RBMS1: variants seen among roughly 807,000 people sequenced by gnomAD.
RBMS1 encodes RNA-binding motif, single-stranded-interacting protein 1.
RBMS1 carries 17 observed loss-of-function variants against 62.3 expected under a neutral mutation model. The ratio of observed to expected loss-of-function variants is 0.27; its 90% confidence interval spans 0.19 to 0.41. RBMS1 has a LOEUF of 0.41. Ranked by LOEUF, RBMS1 falls within the 10% of genes least tolerant of loss-of-function variation. RBMS1 has a pLI of 1.00. For missense variants in RBMS1, 334 were observed against 504.5 expected, an observed-to-expected ratio of 0.66 and a Z score of 3.24; for synonymous variants, 172 against 170.0, an observed-to-expected ratio of 1.01 and a Z score of -0.09.
At chr2:160,339,739 C>T (rs947521903) in intron 2 of RBMS1, among the ~76,000 whole-genome samples, 47 of 152,106 alleles carry the variant, frequency 3.1e-4, no homozygotes, top group African/African-American at 1.0e-3. Flanking sequence ...CATACATACA[C>T]GTATATATAA....
intron 1 of RBMS1, among the ~76,000 whole-genome samples, chr2:160,414,165 A>G (rs1243384567): frequency 6.6e-6 from 1 of 152,232 alleles, no homozygotes; most frequent in Non-Finnish European, 1.5e-5. Context: ...CATTCCACTG[A>G]ATATAAATGC....
chr2:160,452,886 C>G (rs1484079631), intron 1 of RBMS1, among the ~76,000 whole-genome samples: 1 of 152,210 alleles, frequency 6.6e-6, no homozygotes, highest in African/African-American at 2.4e-5. Context: ...ATTACAGGGA[C>G]TCCAGACTTG....
chr2:160,347,622 C>T (rs1309031503), intron 2 of RBMS1, among the ~76,000 whole-genome samples: 1 of 152,096 alleles, frequency 6.6e-6, no homozygotes, highest in African/African-American at 2.4e-5. Context: ...TATAAACCAG[C>T]CCTGAATACT....
intron 2 of RBMS1, among the ~76,000 whole-genome samples, chr2:160,358,590 T>A (rs1455708752): frequency 6.6e-6 from 1 of 152,060 alleles, no homozygotes; most frequent in Non-Finnish European, 1.5e-5. Context: ...AACAAAAACA[T>A]TTGGAAATCA....
chr2:160,479,951 G>C, intron 1 of RBMS1, among the ~76,000 whole-genome samples: 1 of 152,002 alleles, frequency 6.6e-6, no homozygotes, highest in East Asian at 1.9e-4. Flanking sequence ...AATAATCAAA[G>C]CTTAAAACTT....
chr2:160,318,348 T>C lies in RBMS1; in HGVS notation c.252-121A>G, dbSNP rs543994469. On this transcript the variant is annotated intron_variant, in intron 2 of 13. Coordinates refer to ENST00000348849, the MANE Select transcript of RBMS1 (RefSeq NM_016836.4). ...ATTCTTTTCAAACATCTGCAAACTT[T>C]AGAGTACAAAATTTTCTTTACTAAG... 8.8e-6 allele frequency: 12 copies of C among 1,360,660 alleles called. No homozygotes were observed. In the African/African-American group the frequency reaches 1.1e-4, roughly 12 times the overall value. 84.3% of individuals were successfully genotyped at this position (1,360,660 alleles called of 1,614,324 possible). A position where few individuals can be genotyped will look rare whatever the true frequency, so the allele number is the denominator to read the frequency against.
At chr2:160,291,099 C>G (rs1416297525) in intron 6 of RBMS1, among the ~76,000 whole-genome samples, 1 of 152,166 alleles carries the variant, frequency 6.6e-6, no homozygotes, top group African/African-American at 2.4e-5. Context: ...TGCAAGTCCT[C>G]CTCACTTATC....
chr2:160,370,688 A>G (rs151120734), intron 1 of RBMS1, among the ~76,000 whole-genome samples: 1 of 152,158 alleles, frequency 6.6e-6, no homozygotes, highest in East Asian at 1.9e-4. Flanking sequence ...TTCAAACAGT[A>G]CTCTACGTGG....
intron 1 of RBMS1, among the ~76,000 whole-genome samples, chr2:160,415,489 T>TAA (rs142466103): frequency 0.025 from 3,789 of 150,276 alleles, 144 homozygotes; most frequent in African/African-American, 0.084. Context: ...TTAGGAAATT[T>TAA]AAAAAAAAAA....
chr2:160,278,083 G>A (rs1340932146), intron 11 of RBMS1: 1 of 167,502 alleles, frequency 6.0e-6, no homozygotes, highest in East Asian at 1.8e-4. Flanking sequence ...AGCTGATCTG[G>A]TGCCAGCTCA....
chr2:160,421,644 A>G (rs990808857), intron 1 of RBMS1, among the ~76,000 whole-genome samples: 1 of 152,194 alleles, frequency 6.6e-6, no homozygotes, highest in Non-Finnish European at 1.5e-5. Context: ...ATGATTTATA[A>G]TCCTTTGGGT....
chr2:160,362,324 G>C (rs377118738), intron 2 of RBMS1, among the ~76,000 whole-genome samples: 3 of 152,098 alleles, frequency 2.0e-5, no homozygotes, highest in Non-Finnish European at 4.4e-5. Flanking sequence ...CCTAGCTTTC[G>C]GCCTGTCTCG....
chr2:160,407,234 TCCTGCC>T lies in RBMS1; in HGVS notation c.76-39849_76-39844del, dbSNP rs146123979. On this transcript the variant is annotated intron_variant, in intron 1 of 13. Transcript: ENST00000348849. ...GCTTCTGCCCTCGCCGGCTCTCCGC[TCCTGCC>T]CCTGCCCCTTCCTCCACTTCCCACC... Among the ~76,000 whole-genome samples, 853 of 152,184 alleles carry T rather than the reference TCCTGCC, an allele frequency of 5.6e-3. 10 individuals carry two copies. Among genetic ancestry groups the T allele is most frequent in the African/African-American group, 0.02 (813 of 41,544 alleles).
At chr2:160,283,825 T>G (rs1419695132) in intron 9 of RBMS1, 1 of 152,308 alleles carries the variant, frequency 6.6e-6, no homozygotes, top group East Asian at 1.9e-4. Flanking sequence ...CTCAAGCCTA[T>G]GAGATAGAAA....
intron 1 of RBMS1, among the ~76,000 whole-genome samples, chr2:160,387,841 G>A (rs112985035): frequency 6.6e-6 from 1 of 151,166 alleles, no homozygotes; most frequent in Non-Finnish European, 1.5e-5. Flanking sequence ...AAAAAAAAAA[G>A]AAAAGAAAAA....
intron 2 of RBMS1, among the ~76,000 whole-genome samples, chr2:160,334,940 A>G (rs1691484825): frequency 7.0e-6 from 1 of 143,304 alleles, no homozygotes; most frequent in Admixed American, 6.9e-5. Flanking sequence ...CTGAAATGTG[A>G]AAAAAAAAAA....
intron 1 of RBMS1, among the ~76,000 whole-genome samples, chr2:160,396,280 ATC>A (rs1336662992): frequency 6.6e-6 from 1 of 152,230 alleles, no homozygotes; most frequent in Non-Finnish European, 1.5e-5. Flanking sequence ...GGTTTGTGGA[ATC>A]TGTTTGAAAT....
intron 2 of RBMS1, among the ~76,000 whole-genome samples, chr2:160,332,059 G>T (rs1691307027): frequency 6.6e-6 from 1 of 152,068 alleles, no homozygotes; most frequent in Admixed American, 6.6e-5. Flanking sequence ...GTGGTTGTTG[G>T]AGTTTGTGTT....
At chr2:160,316,359 T>C (rs906180660) in intron 3 of RBMS1, among the ~76,000 whole-genome samples, 3 of 152,160 alleles carry the variant, frequency 2.0e-5, no homozygotes, top group African/African-American at 7.2e-5. Context: ...AAGGTTTCTA[T>C]TACTGCCCAC....
Sources: allele counts gnomAD v4.1 joint callset (sites outside exome capture counted in the v4.1 genomes callset), GRCh38; gene constraint gnomAD v4.1.1; transcripts MANE v1.5; gene names NCBI Gene and HGNC (gene_info 2026-07-23, HGNC 2026-07-21).